Variants in UBAC2 observed in about 807,000 individuals in gnomAD.
The protein encoded by UBAC2 is UBA domain containing 2.
Under a neutral mutation model 44.0 loss-of-function variants are expected in UBAC2, and 26 were observed. The observed-to-expected ratio is 0.59, with a 90% CI of 0.43 to 0.82. UBAC2 has a LOEUF of 0.82. Among genes scored for constraint, UBAC2 ranks in the 40% least tolerant of loss-of-function variants. UBAC2 has a pLI of 0.00. For missense variants in UBAC2, 329 were observed against 419.4 expected, an observed-to-expected ratio of 0.78 and a Z score of 1.88; for synonymous variants, 155 against 154.3, an observed-to-expected ratio of 1.00 and a Z score of -0.04.
At chr13:99,244,356 C>G (rs552476926) in intron 3 of UBAC2, among the ~76,000 whole-genome samples, 159 bp from the exon 4 acceptor site, 2 of 151,994 alleles carry the variant, frequency 1.3e-5, no homozygotes, top group Non-Finnish European at 2.9e-5. Context: ...TTAATAAAAA[C>G]AAATAATTTC....
At chr13:99,257,120 C>T (rs2043576745) in intron 4 of UBAC2, among the ~76,000 whole-genome samples, 1 of 152,096 alleles carries the variant, frequency 6.6e-6, no homozygotes, top group East Asian at 1.9e-4. Context: ...TTCCCTTCTT[C>T]TCCTTCTTTC....
chr13:99,222,605 AG>A (rs1161821467), intron 1 of UBAC2, among the ~76,000 whole-genome samples: 1 of 152,232 alleles, frequency 6.6e-6, no homozygotes, highest in East Asian at 1.9e-4. Context: ...TCATAGAATA[AG>A]CAGTAATTGG....
At chr13:99,346,713 T>G (rs905585307) in intron 7 of UBAC2, among the ~76,000 whole-genome samples, 2 of 152,098 alleles carry the variant, frequency 1.3e-5, no homozygotes, top group Non-Finnish European at 2.9e-5. Context: ...CTTCCCCAGC[T>G]TCCTGGGGGG....
At chr13:99,251,233 C>T (rs1009701447) in intron 4 of UBAC2, among the ~76,000 whole-genome samples, 5 of 152,118 alleles carry the variant, frequency 3.3e-5, no homozygotes, top group Non-Finnish European at 5.9e-5. Flanking sequence ...TTTGGCATCC[C>T]GAAACTCTAG....
At chr13:99,223,013 C>G (rs1333362138) in intron 1 of UBAC2, among the ~76,000 whole-genome samples, 1 of 152,152 alleles carries the variant, frequency 6.6e-6, no homozygotes, top group Non-Finnish European at 1.5e-5. Flanking sequence ...AATTCAATTT[C>G]ATAATATCTG....
chr13:99,299,624 T>G (rs1352573531), intron 4 of UBAC2, among the ~76,000 whole-genome samples: 1 of 152,212 alleles, frequency 6.6e-6, no homozygotes, highest in African/African-American at 2.4e-5. Context: ...AAAAAAAATT[T>G]TAATGGGAAA....
intron 4 of UBAC2, among the ~76,000 whole-genome samples, chr13:99,275,196 C>G (rs2043867079): frequency 6.6e-6 from 1 of 152,150 alleles, no homozygotes; most frequent in African/African-American, 2.4e-5. Context: ...GGCCTAGAGT[C>G]TCTCATGTGG....
chr13:99,227,263 C>T (rs977676887), intron 1 of UBAC2, among the ~76,000 whole-genome samples: 8 of 151,880 alleles, frequency 5.3e-5, no homozygotes, highest in Admixed American at 1.3e-4. Context: ...CAGTAGCAAA[C>T]AACTCTGAAA....
chr13:99,233,924 T>C lies in UBAC2; in HGVS notation c.32-4503T>C, dbSNP rs1594027273. Among the ~76,000 whole-genome samples, 3 of 152,280 alleles carry C rather than the reference T, an allele frequency of 2.0e-5. No individual in the cohort carries two copies. The East Asian group carries it at 5.8e-4, about 29-fold the overall frequency. On this transcript the variant is annotated intron_variant, in intron 1 of 8. Transcript: ENST00000403766. ...CCAAATCTGCTGGTACCACTTGAGT[T>C]CTCAAGACTAGTCTTTTGATACTAT...
chr13:99,369,636 A>G (rs2045379461), intron 8 of UBAC2, among the ~76,000 whole-genome samples: 1 of 152,212 alleles, frequency 6.6e-6, no homozygotes, highest in African/African-American at 2.4e-5. Flanking sequence ...ATTGGGACTT[A>G]ACTCCATCGT....
At chr13:99,254,604 C>G (rs2043506809) in intron 4 of UBAC2, 1 of 257,024 alleles carries the variant, frequency 3.9e-6, no homozygotes, top group Non-Finnish European at 7.3e-6. Flanking sequence ...CGATTTCCCC[C>G]CTACTGACTT....
intron 6 of UBAC2, among the ~76,000 whole-genome samples, chr13:99,339,253 C>T (rs1164649250): frequency 6.6e-6 from 1 of 152,238 alleles, no homozygotes; most frequent in Admixed American, 6.5e-5. Flanking sequence ...ACCGCATCAT[C>T]CTTAAGATCT....
chr13:99,340,012 C>T (rs753556663), intron 6 of UBAC2, among the ~76,000 whole-genome samples: 7 of 152,142 alleles, frequency 4.6e-5, no homozygotes, highest in Non-Finnish European at 7.3e-5. Flanking sequence ...AGATCTTTTA[C>T]GGCTTTTTAA....
At chr13:99,362,456 T>C (rs2045277695) in intron 7 of UBAC2, among the ~76,000 whole-genome samples, 1 of 152,238 alleles carries the variant, frequency 6.6e-6, no homozygotes. Flanking sequence ...AAAAGGGTTG[T>C]GTCAGTTTAT....
At chr13:99,353,301 T>A (rs1468734647) in intron 7 of UBAC2, among the ~76,000 whole-genome samples, 1 of 152,266 alleles carries the variant, frequency 6.6e-6, no homozygotes, top group Non-Finnish European at 1.5e-5. Flanking sequence ...CTGTACCTCC[T>A]TGCAGAAGCT....
chr13:99,214,499 T>G (rs1594004084), intron 1 of UBAC2, among the ~76,000 whole-genome samples: 1 of 151,764 alleles, frequency 6.6e-6, no homozygotes, highest in Admixed American at 6.6e-5. Context: ...AGGTGGGGAG[T>G]AGGTGGTGGT....
Position 99,248,636 on chromosome 13 carries a change from G to A in UBAC2, c.389+4012G>A, listed in dbSNP as rs139686282. On this transcript the variant is annotated intron_variant, in intron 4 of 8. Transcript: ENST00000403766. ...GACCTCAGGTGATCGACCTGCCTTG[G>A]CCTCCCAAAGTGCTGGGATTACAGG... 6.4e-3 allele frequency among the ~76,000 whole-genome samples: 981 copies of A among 152,280 alleles called. 9 individuals are homozygous for A. The highest frequency in any genetic ancestry group is 0.029 in the South Asian group (142 of 4,828).
chr13:99,233,684 G>A (rs972291880), intron 1 of UBAC2, among the ~76,000 whole-genome samples: 2 of 152,236 alleles, frequency 1.3e-5, no homozygotes, highest in Admixed American at 1.3e-4. Context: ...GAGTGATACC[G>A]AGATACAAGG....
At chr13:99,378,814 C>G (rs2045515198) in intron 8 of UBAC2, among the ~76,000 whole-genome samples, 2 of 152,218 alleles carry the variant, frequency 1.3e-5, no homozygotes, top group Admixed American at 1.3e-4. Flanking sequence ...CTTCCATACC[C>G]ATTCATTTGT....
Sources: allele counts gnomAD v4.1 joint callset (sites outside exome capture counted in the v4.1 genomes callset), GRCh38; gene constraint gnomAD v4.1.1; transcripts MANE v1.5; gene names NCBI Gene and HGNC (gene_info 2026-07-23, HGNC 2026-07-21).